DAPK1: variants seen among roughly 807,000 people sequenced by gnomAD.
The protein encoded by DAPK1 is death-associated protein kinase 1.
A neutral mutation model predicts 144.9 loss-of-function variants in DAPK1; 56 were observed. The ratio of observed to expected loss-of-function variants is 0.39; its 90% CI spans 0.31 to 0.48. The LOEUF (loss-of-function observed/expected upper bound fraction) is 0.48, where lower values mean the gene tolerates loss of function less well. DAPK1 is among the 20% of genes least tolerant of loss of function. DAPK1 has a pLI of 0.95. For synonymous variants in DAPK1, 690 were observed against 749.0 expected (o/e 0.92, Z 1.29); for missense variants, 1,454 against 1,875.4 (o/e 0.78, Z 4.15).
At position 87,571,380 on chromosome 9, in the gene DAPK1, G is replaced by A. The variant is rs74431477; in HGVS notation, c.63-33574G>A. On this transcript the variant is annotated intron_variant, in intron 2 of 25. Transcript: ENST00000408954. ...AACATGAGGGGAACTTGGCTCTGTGGGGAACCTGACTTCTTGTGAAGAGAC... is the reference window on the plus strand; with the variant it reads ...AACATGAGGGGAACTTGGCTCTGTGAGGAACCTGACTTCTTGTGAAGAGAC... Among the ~76,000 whole-genome samples the A allele has an allele frequency of 5.7e-3, 849 of 149,884 alleles. 13 individuals are homozygous for A. Among genetic ancestry groups the A allele is most frequent in the African/African-American group, 0.02 (820 of 40,642 alleles).
chr9:87,632,089 T>C (rs990484688), intron 3 of DAPK1: 1 of 691,562 alleles, frequency 1.4e-6, no homozygotes, highest in African/African-American at 1.9e-5. Context: ...AGTATATATG[T>C]AGAAATATAT....
rs772773066 is a variant in DAPK1 at position 87,697,024 on chromosome 9, G to C, written c.2431G>C (p.Val811Leu). 4 of 1,578,732 alleles carry C rather than the reference G, an allele frequency of 2.5e-6. No individual in the cohort carries two copies. Among genetic ancestry groups the C allele is most frequent in the East Asian group, 2.2e-5 (1 of 44,758 alleles). Residue 811 changes from valine to leucine, a missense_variant, in exon 22 of 26, where the codon GTG (valine) becomes CTG (leucine). This residue lies in a region of DAPK1 where 1,025 missense variants were observed against 1,237.9 expected (regional missense o/e 0.83). Coordinates refer to ENST00000408954, the MANE Select transcript of DAPK1 (RefSeq NM_004938.4). ...TTCTGTAGGAGTTGGCGATTTCAGC[G>C]TGTGGGAGTTCTCTGGAAATCCTGT... ...AYLNGVGDFS[V>L]WEFSGNPVYF...
intron 3 of DAPK1, among the ~76,000 whole-genome samples, chr9:87,627,392 CAGTA>C (rs1205360472): frequency 1.3e-5 from 2 of 152,172 alleles, no homozygotes; most frequent in Non-Finnish European, 2.9e-5. Flanking sequence ...AATAGAGTCA[CAGTA>C]GGTAGGCGGT....
chr9:87,634,587 GA>G (rs1829821586), intron 3 of DAPK1, among the ~76,000 whole-genome samples: 1 of 152,232 alleles, frequency 6.6e-6, no homozygotes. Flanking sequence ...TGGAGCCACA[GA>G]TGCCGCCCAC....
At chr9:87,632,456 G>GTA (rs1426864683) in intron 3 of DAPK1, 5 of 981,022 alleles carry the variant, frequency 5.1e-6, no homozygotes, top group African/African-American at 1.8e-5. Flanking sequence ...AGGAGGATGA[G>GTA]TATATATATA....
At chr9:87,549,831 G>A (rs916039329) in intron 2 of DAPK1, among the ~76,000 whole-genome samples, 1 of 152,098 alleles carries the variant, frequency 6.6e-6, no homozygotes, top group Non-Finnish European at 1.5e-5. Flanking sequence ...GGGGAAAAAA[G>A]TATCATGAAT....
chr9:87,498,825 C>A, intron 1 of DAPK1, 145 bp from the exon 2 acceptor site: 4 of 430,898 alleles, frequency 9.3e-6, no homozygotes, highest in Non-Finnish European at 1.3e-5. Context: ...CCAGCTTTAA[C>A]AAAGGGTGCT....
chr9:87,605,200 G>C (rs370474736), intron 3 of DAPK1, 25 bp downstream of exon 3: 2 of 1,593,354 alleles, frequency 1.3e-6, no homozygotes, highest in African/African-American at 2.7e-5. Flanking sequence ...GGCCAGGCTG[G>C]GGAGAGGGTG....
intron 18 of DAPK1, among the ~76,000 whole-genome samples, chr9:87,658,646 C>G (rs1046493829): frequency 2.0e-5 from 3 of 152,218 alleles, no homozygotes; most frequent in Non-Finnish European, 4.4e-5. Context: ...CTTCAGTTCT[C>G]TCACTCCCTG....
intron 2 of DAPK1, among the ~76,000 whole-genome samples, chr9:87,555,664 C>T (rs777885241): frequency 5.0e-4 from 76 of 152,232 alleles, no homozygotes; most frequent in Non-Finnish European, 8.7e-4. Flanking sequence ...CCACCACGCC[C>T]AGCTAATTTT....
At chr9:87,668,520 A>T in intron 18 of DAPK1, 77 bp from the exon 19 acceptor site, 1 of 865,348 alleles carries the variant, frequency 1.2e-6, no homozygotes, top group Non-Finnish European at 2.0e-6. Flanking sequence ...TCTGCCTCAG[A>T]CCCACGGAAT....
At chr9:87,662,577 T>TTTTTTTTTTTTTTTTTTTTA (rs1564056450) in intron 18 of DAPK1, among the ~76,000 whole-genome samples, 1 of 141,914 alleles carries the variant, frequency 7.0e-6, no homozygotes, top group Non-Finnish European at 1.5e-5. Flanking sequence ...TTTTTTTTTT[T>TTTTTTTTTTTTTTTTTTTTA]TTTTTTTTGG....
intron 19 of DAPK1, among the ~76,000 whole-genome samples, chr9:87,671,464 C>G (rs1006111223): frequency 6.6e-6 from 1 of 151,600 alleles, no homozygotes; most frequent in African/African-American, 2.4e-5. Context: ...GTCTTTTTCT[C>G]TAAAGGAGAG....
intron 3 of DAPK1, among the ~76,000 whole-genome samples, chr9:87,625,328 G>A (rs1829455873): frequency 6.6e-6 from 1 of 152,226 alleles, no homozygotes; most frequent in Non-Finnish European, 1.5e-5. Context: ...TAAGTCTATG[G>A]TGTGCTGGTA....
At position 87,686,621 on chromosome 9, in the gene DAPK1, C is replaced by T. The variant is rs1312016838; in HGVS notation, c.2295C>T (p.Phe765=). The T allele has an allele frequency of 3.1e-6, 5 of 1,608,766 alleles. No homozygotes were observed. Among genetic ancestry groups the T allele is most frequent in the African/African-American group, 1.3e-5 (1 of 74,818 alleles). The change falls in exon 21 of 26, where the codon TTC becomes TTT. Residue 765 remains phenylalanine, a synonymous_variant. Transcript: ENST00000408954. This position sits in a 1 kb window ranked among gnomAD's most constrained non-coding sequence, Gnocchi z 4.2. ...GTGTGAGGAGCCGCAGCATGATGTTCGAGCCGGGTCTTACCAAAGGGATGC... is the reference window on the plus strand; with the variant it reads ...GTGTGAGGAGCCGCAGCATGATGTTTGAGCCGGGTCTTACCAAAGGGATGC... ...NVSVRSRSMM[F]EPGLTKGMLE...
intron 2 of DAPK1, among the ~76,000 whole-genome samples, chr9:87,572,311 A>G (rs921995930): frequency 6.6e-6 from 1 of 152,202 alleles, no homozygotes; most frequent in African/African-American, 2.4e-5. Context: ...GTTCTATGAC[A>G]ATGGCTACTA....
intron 8 of DAPK1, 143 bp from the exon 9 acceptor site, chr9:87,640,659 A>G (rs1830064621): frequency 1.9e-6 from 2 of 1,048,556 alleles, no homozygotes; most frequent in Non-Finnish European, 2.9e-6. Flanking sequence ...AATAATCACA[A>G]AAAGACCGAT....
chr9:87,639,885 A>G (rs899188561), intron 7 of DAPK1, 70 bp downstream of exon 7: 17 of 1,537,942 alleles, frequency 1.1e-5, no homozygotes, highest in Non-Finnish European at 1.5e-5. Flanking sequence ...TAACCATTAA[A>G]TGTGCTGTGT....
intron 2 of DAPK1, among the ~76,000 whole-genome samples, chr9:87,590,409 A>G (rs1331624044): frequency 1.3e-5 from 2 of 148,436 alleles, no homozygotes; most frequent in Admixed American, 1.3e-4. Context: ...AAGAAAAAGG[A>G]AGCTAAAAGG....
Sources: gnomAD v4.1 joint callset for allele counts (sites outside exome capture counted in the v4.1 genomes callset) on GRCh38, gnomAD v4.1.1 for gene constraint, gnomAD v4.1.1 regional missense constraint, Gnocchi (gnomAD v3.1) non-coding constraint, MANE v1.5 for transcripts, NCBI Gene and HGNC (gene_info 2026-07-23, HGNC 2026-07-21) for gene names.